FHIT: variants seen among roughly 807,000 people sequenced by gnomAD.
FHIT encodes the protein bis(5'-adenosyl)-triphosphatase.
FHIT carries 19 observed loss-of-function variants against 17.9 expected under a neutral mutation model. That is an observed-to-expected ratio of 1.06 (90% CI 0.74 to 1.56). FHIT has a LOEUF of 1.56. Ranked by LOEUF, FHIT falls within the 40% of genes most tolerant of loss-of-function variation. The pLI, the probability that FHIT is intolerant of heterozygous loss-of-function variation, is 0.00. For missense variants in FHIT, 248 were observed against 189.2 expected (o/e 1.31, Z -1.82); for synonymous variants, 81 against 69.7 (o/e 1.16, Z -0.81).
At chr3:61,099,496 C>T (rs2035751363) in intron 2 of FHIT, among the ~76,000 whole-genome samples, 2 of 152,116 alleles carry the variant, frequency 1.3e-5, no homozygotes, top group African/African-American at 2.4e-5. Flanking sequence ...ATGCTACCAG[C>T]TCTTCTCTGT....
intron 5 of FHIT, among the ~76,000 whole-genome samples, chr3:60,331,802 C>T (rs184868548): frequency 1.7e-4 from 26 of 150,882 alleles, no homozygotes; most frequent in Non-Finnish European, 1.9e-4. Flanking sequence ...GCCGAGATTG[C>T]GCCGTTGCAC....
At chr3:60,009,163 TTATGTGTGTGTGTGTGTGTG>T (rs1422809618) in intron 7 of FHIT, among the ~76,000 whole-genome samples, 5,006 of 128,858 alleles carry the variant, frequency 0.039, 194 homozygotes, top group South Asian at 0.11. Flanking sequence ...CTCTGGGATT[TTATGTGTGTGTGTGTGTGTG>T]TGTGTGTGTG....
chr3:60,124,005 TATATAG>T (rs1430467198), intron 5 of FHIT, among the ~76,000 whole-genome samples: 12 of 20,918 alleles, frequency 5.7e-4, no homozygotes, highest in East Asian at 2.0e-3. Context: ...TATATATATA[TATATAG>T]AGAGAGAGAG....
At chr3:59,949,322 C>T (rs1706996442) in intron 7 of FHIT, among the ~76,000 whole-genome samples, 1 of 152,122 alleles carries the variant, frequency 6.6e-6, no homozygotes, top group African/African-American at 2.4e-5. Flanking sequence ...CATAGATGGC[C>T]CTCCCTAACT....
chr3:59,996,992 G>A (rs754449666), intron 7 of FHIT, among the ~76,000 whole-genome samples: 27 of 152,128 alleles, frequency 1.8e-4, no homozygotes, highest in South Asian at 6.2e-4. Flanking sequence ...AACTTCATCT[G>A]CAATAAGAAT....
intron 5 of FHIT, among the ~76,000 whole-genome samples, chr3:60,184,977 T>C (rs1702097921): frequency 6.6e-6 from 1 of 152,188 alleles, no homozygotes; most frequent in African/African-American, 2.4e-5. Flanking sequence ...ATTTATTTTG[T>C]TGTGTTTTCT....
intron 4 of FHIT, among the ~76,000 whole-genome samples, chr3:60,672,909 A>ATGTGTGTG (rs1559630040): frequency 2.1e-5 from 3 of 145,704 alleles, no homozygotes; most frequent in Admixed American, 2.1e-4. Context: ...GTGTGTGTGC[A>ATGTGTGTG]TGCATGCTCT....
rs867119557 is a variant in FHIT at position 60,080,406 on chromosome 3, C to G, written c.104-66254G>C. ...TAGCCATCAACCAGTTTTAGATGGA[C>G]AGTCCCAGTTTCAAGTAAATAAAAT... On this transcript the variant is annotated intron_variant, in intron 5 of 9. Coordinates refer to ENST00000492590, the MANE Select transcript of FHIT (RefSeq NM_002012.4). Among the ~76,000 whole-genome samples the G allele has an allele frequency of 3.9e-5, 6 of 152,230 alleles. 1 individual carries two copies. Among genetic ancestry groups the G allele is most frequent in the Middle Eastern group, 6.8e-3 (2 of 294 alleles).
chr3:60,781,584 T>C (rs1385741601), intron 4 of FHIT, among the ~76,000 whole-genome samples: 1 of 152,184 alleles, frequency 6.6e-6, no homozygotes, highest in Admixed American at 6.5e-5. Flanking sequence ...ACATTTATAG[T>C]CACTTGACCT....
At chr3:61,236,328 T>C (rs1261602633) in intron 1 of FHIT, among the ~76,000 whole-genome samples, 2 of 151,276 alleles carry the variant, frequency 1.3e-5, no homozygotes, top group Non-Finnish European at 2.9e-5. Flanking sequence ...ATTCAATCCC[T>C]GTGACCTGCC....
chr3:60,261,014 C>T (rs1402214418), intron 5 of FHIT, among the ~76,000 whole-genome samples: 1 of 151,996 alleles, frequency 6.6e-6, no homozygotes, highest in Admixed American at 6.6e-5. Context: ...AACCCCATTC[C>T]CGGGAAAGTC....
At chr3:59,755,707 G>T (rs1701179663) in intron 8 of FHIT, among the ~76,000 whole-genome samples, 1 of 152,188 alleles carries the variant, frequency 6.6e-6, no homozygotes, top group African/African-American at 2.4e-5. Context: ...GGGCACCCAG[G>T]TAGGGAGGTT....
In FHIT at chr3:60,026,547, T is replaced by C. The variant is rs1192230106; in HGVS notation, c.104-12395A>G. 1.3e-5 allele frequency among the ~76,000 whole-genome samples: 2 copies of C among 152,186 alleles called. 1 individual carries two copies. Among genetic ancestry groups the C allele is most frequent in the South Asian group, 4.1e-4 (2 of 4,826 alleles). On this transcript the variant is annotated intron_variant, in intron 5 of 9. Coordinates refer to ENST00000492590, the MANE Select transcript of FHIT (RefSeq NM_002012.4). ...TCTGTTTTTTATTTCCCCCTCATAA[T>C]GTAAGCATCACTGGTAGCAGAGTCT...
intron 5 of FHIT, among the ~76,000 whole-genome samples, chr3:60,023,469 C>G (rs1338477858): frequency 1.3e-5 from 2 of 152,138 alleles, no homozygotes; most frequent in African/African-American, 4.8e-5. Context: ...AGTGCAAGCT[C>G]TATCAGGTTT....
chr3:61,173,472 G>A (rs576220330), intron 2 of FHIT, among the ~76,000 whole-genome samples: 3 of 152,128 alleles, frequency 2.0e-5, no homozygotes, highest in South Asian at 4.1e-4. Flanking sequence ...GAATGCTTTC[G>A]ATGTCTTTGG....
At chr3:60,961,130 T>C (rs779744360) in intron 3 of FHIT, among the ~76,000 whole-genome samples, 23 of 152,190 alleles carry the variant, frequency 1.5e-4, no homozygotes, top group Non-Finnish European at 3.1e-4. Flanking sequence ...CCATTCTAAA[T>C]GGTGTGAGAT....
rs148516834 is a variant in FHIT at position 60,327,568 on chromosome 3, T to C, written c.103+209292A>G. Among the ~76,000 whole-genome samples, 231 of 152,300 alleles carry C rather than the reference T, an allele frequency of 1.5e-3. 3 individuals carry two copies. The highest frequency in any genetic ancestry group is 2.8e-3 in the African/African-American group (115 of 41,570). On this transcript the variant is annotated intron_variant, in intron 5 of 9. Transcript: ENST00000492590. Reference sequence around the variant, plus strand: ...TCCATTGTAGACCATGTCTTGCATATGGTGTGTGCTAAATATTTAATATTA... The same window carrying C: ...TCCATTGTAGACCATGTCTTGCATACGGTGTGTGCTAAATATTTAATATTA...
intron 5 of FHIT, among the ~76,000 whole-genome samples, chr3:60,117,948 T>A (rs1705052349): frequency 6.6e-6 from 1 of 152,150 alleles, no homozygotes; most frequent in African/African-American, 2.4e-5. Context: ...TGGTTGTGCA[T>A]CAGAATCACC....
chr3:60,447,903 T>A (rs2107356510), intron 5 of FHIT, among the ~76,000 whole-genome samples: 1 of 152,294 alleles, frequency 6.6e-6, no homozygotes, highest in Non-Finnish European at 1.5e-5. Flanking sequence ...ATGTGTTACC[T>A]CCAACTGGGA....
Sources: allele counts gnomAD v4.1 joint callset (sites outside exome capture counted in the v4.1 genomes callset), GRCh38; gene constraint gnomAD v4.1.1; transcripts MANE v1.5; gene names NCBI Gene and HGNC (gene_info 2026-07-23, HGNC 2026-07-21).